Variants in PRKG1 observed in about 807,000 individuals in gnomAD.
The protein encoded by PRKG1 is cGMP-dependent protein kinase 1.
A neutral mutation model predicts 88.1 loss-of-function variants in PRKG1; 35 were observed. The observed-to-expected ratio is 0.40, with a 90% CI of 0.30 to 0.53. The LOEUF is 0.53. PRKG1 is among the 20% of genes least tolerant of loss of function. The pLI, the probability that PRKG1 is intolerant of heterozygous loss-of-function variation, is 0.59. For synonymous variants in PRKG1, 303 were observed against 292.5 expected (o/e 1.04, Z -0.37); for missense variants, 540 against 839.8 (o/e 0.64, Z 4.41).
chr10:52,092,171 C>A (rs1847072938), intron 7 of PRKG1, among the ~76,000 whole-genome samples: 1 of 152,076 alleles, frequency 6.6e-6, no homozygotes, highest in African/African-American at 2.4e-5. Flanking sequence ...CTTAATTTTA[C>A]CTGTTAGGGA....
At chr10:51,681,622 G>T (rs988151147) in intron 3 of PRKG1, among the ~76,000 whole-genome samples, 1 of 152,020 alleles carries the variant, frequency 6.6e-6, no homozygotes, top group Non-Finnish European at 1.5e-5. Flanking sequence ...GGTAAAATAT[G>T]CATAATTATA....
intron 3 of PRKG1, among the ~76,000 whole-genome samples, chr10:51,594,031 AT>A (rs891984997): frequency 1.3e-3 from 192 of 150,258 alleles, no homozygotes; most frequent in African/African-American, 2.2e-3. Context: ...TGTACCCCCC[AT>A]TTTTTTTTAA....
intron 9 of PRKG1, among the ~76,000 whole-genome samples, chr10:52,164,154 CAGCCTGGCCA>C (rs1461778924): frequency 6.6e-6 from 1 of 152,008 alleles, no homozygotes; most frequent in Non-Finnish European, 1.5e-5. Flanking sequence ...AGTTTGAGAC[CAGCCTGGCCA>C]ACATGGTGAA....
chr10:51,086,912 G>A (rs929922808), intron 1 of PRKG1, among the ~76,000 whole-genome samples: 4 of 152,204 alleles, frequency 2.6e-5, no homozygotes, highest in Non-Finnish European at 5.9e-5. Context: ...TCAGGGTGAT[G>A]GATGGAAAAT....
Position 51,207,484 on chromosome 10 carries a change from G to A in PRKG1, c.478+54154G>A, listed in dbSNP as rs777485475. ...AGCAAATAACATTTGTGGTTACCTC[G>A]CTGGTGCCTGCCTTATTATTATTTT... On this transcript the variant is annotated intron_variant, in intron 2 of 17. Transcript: ENST00000373980. 9.2e-5 allele frequency among the ~76,000 whole-genome samples: 14 copies of A among 152,138 alleles called. 1 individual carries two copies. Among genetic ancestry groups the A allele is most frequent in the East Asian group, 3.9e-4 (2 of 5,184 alleles).
intron 5 of PRKG1, among the ~76,000 whole-genome samples, chr10:52,034,778 A>G (rs2133216504): frequency 6.6e-6 from 1 of 152,238 alleles, no homozygotes; most frequent in East Asian, 1.9e-4. Context: ...AGGGATGACA[A>G]GTTTTTTGCG....
intron 1 of PRKG1, among the ~76,000 whole-genome samples, chr10:51,066,779 C>A (rs1843755885): frequency 6.6e-6 from 1 of 152,044 alleles, no homozygotes; most frequent in African/African-American, 2.4e-5. Context: ...AAAGAAATCT[C>A]TTTTCTTACA....
At chr10:51,290,371 CAAA>C (rs1380070424) in intron 2 of PRKG1, among the ~76,000 whole-genome samples, 1 of 152,172 alleles carries the variant, frequency 6.6e-6, no homozygotes, top group African/African-American at 2.4e-5. Context: ...AAGGACATGG[CAAA>C]AGCTAATCAG....
At position 51,003,165 on chromosome 10, in the gene PRKG1, AAACAACAAC is replaced by A. The variant is rs67761270; in HGVS notation, c.266+11559_266+11567del. On this transcript the variant is annotated intron_variant, in intron 1 of 17. Transcript: ENST00000401604. Reference sequence around the variant, plus strand: ...ATGCTTTCTCGTGTCTGCAGGGCCAAAACAACAACAACAACAACAACAACAACAACAACA... The same window carrying A: ...ATGCTTTCTCGTGTCTGCAGGGCCAAAACAACAACAACAACAACAACAACA... Among the ~76,000 whole-genome samples the A allele has an allele frequency of 8.1e-3, 1,229 of 151,054 alleles. 18 individuals are homozygous for A. The highest frequency in any genetic ancestry group is 0.018 in the African/African-American group (741 of 41,006).
chr10:52,218,207 T>C (rs1840159105), intron 9 of PRKG1, among the ~76,000 whole-genome samples: 1 of 122,516 alleles, frequency 8.2e-6, no homozygotes, highest in Non-Finnish European at 1.8e-5. Flanking sequence ...CGAGACTCCA[T>C]CTCAAAAAAA....
At chr10:51,850,646 A>T (rs1471787808) in intron 4 of PRKG1, among the ~76,000 whole-genome samples, 1 of 152,208 alleles carries the variant, frequency 6.6e-6, no homozygotes, top group Non-Finnish European at 1.5e-5. Context: ...CTTGAAATAA[A>T]GAAAACATAC....
intron 2 of PRKG1, among the ~76,000 whole-genome samples, chr10:51,158,168 G>C (rs1164584724): frequency 2.0e-5 from 3 of 151,722 alleles, no homozygotes; most frequent in Admixed American, 6.6e-5. Flanking sequence ...TTAATTATAT[G>C]CCATGTACTG....
At chr10:52,066,407 G>A (rs770016138) in intron 7 of PRKG1, among the ~76,000 whole-genome samples, 3 of 150,806 alleles carry the variant, frequency 2.0e-5, no homozygotes, top group African/African-American at 5.0e-5. Context: ...ATTTGAACCC[G>A]GTGTCTGGCA....
intron 7 of PRKG1, chr10:52,081,693 C>G (rs777159888): frequency 2.2e-6 from 1 of 456,450 alleles, no homozygotes; most frequent in Non-Finnish European, 4.4e-6. Context: ...TAGAAGATGA[C>G]GAGAGCTCAG....
At chr10:51,888,689 G>A (rs1360162029) in intron 4 of PRKG1, among the ~76,000 whole-genome samples, 4 of 152,192 alleles carry the variant, frequency 2.6e-5, no homozygotes, top group Non-Finnish European at 5.9e-5. Flanking sequence ...TCCCACTGCA[G>A]CTCTAGCTGT....
At chr10:51,668,855 T>A (rs1224397845) in intron 3 of PRKG1, among the ~76,000 whole-genome samples, 4 of 152,214 alleles carry the variant, frequency 2.6e-5, no homozygotes, top group Non-Finnish European at 5.9e-5. Context: ...AGTCTATTAG[T>A]TGTATTTATT....
intron 5 of PRKG1, among the ~76,000 whole-genome samples, chr10:52,042,269 G>A (rs1194824816): frequency 6.6e-6 from 1 of 152,030 alleles, no homozygotes; most frequent in Non-Finnish European, 1.5e-5. Context: ...AATAGCCAAA[G>A]CAATCTTAAG....
chr10:51,942,367 A>G (rs1173731218), intron 5 of PRKG1, among the ~76,000 whole-genome samples: 2 of 151,606 alleles, frequency 1.3e-5, no homozygotes, highest in Admixed American at 1.3e-4. Context: ...TTGTCAGATG[A>G]GTAGGTTGTG....
At position 52,135,180 on chromosome 10, in the gene PRKG1, C is replaced by T. The variant is rs555741558; in HGVS notation, c.1001+1275C>T. Among the ~76,000 whole-genome samples, 12 of 151,878 alleles carry T rather than the reference C, an allele frequency of 7.9e-5. No individual in the cohort carries two copies. The South Asian group carries it at 1.9e-3, about 24-fold the overall frequency. On this transcript the variant is annotated intron_variant, in intron 8 of 17. Coordinates refer to ENST00000373980, the MANE Select transcript of PRKG1 (RefSeq NM_006258.4). ...GAGAGTGAGTACTTTTGAGAAGAGT[C>T]GGGGAGGTGTTAAAAAGTGTTAAGT... is the stretch of plus-strand genomic sequence containing the variant.
Sources: allele counts gnomAD v4.1 joint callset (sites outside exome capture counted in the v4.1 genomes callset), GRCh38; gene constraint gnomAD v4.1.1; transcripts MANE v1.5; gene names NCBI Gene and HGNC (gene_info 2026-07-23, HGNC 2026-07-21).